CDH10: variants seen among roughly 807,000 people sequenced by gnomAD.
CDH10 encodes cadherin-10.
A neutral mutation model predicts 73.1 loss-of-function variants in CDH10; 30 were observed. That is an observed-to-expected ratio of 0.41 (90% CI 0.31 to 0.56). The LOEUF is 0.56. Ranked by LOEUF, CDH10 falls within the 20% of genes least tolerant of loss-of-function variation. CDH10 has a pLI of 0.27. For missense variants in CDH10, 815 were observed against 973.7 expected, an observed-to-expected ratio of 0.84 and a Z score of 2.17; for synonymous variants, 345 against 348.2, an observed-to-expected ratio of 0.99 and a Z score of 0.10.
At chr5:24,551,810 G>GTAT (rs748545304) in intron 2 of CDH10, among the ~76,000 whole-genome samples, 7 of 152,212 alleles carry the variant, frequency 4.6e-5, no homozygotes, top group Admixed American at 6.5e-5. Context: ...ATTGGCACCA[G>GTAT]TATTACACTA....
At chr5:24,567,580 T>A (rs1745209658) in intron 2 of CDH10, among the ~76,000 whole-genome samples, 1 of 151,884 alleles carries the variant, frequency 6.6e-6, no homozygotes, top group Non-Finnish European at 1.5e-5. Context: ...TTAAATAAAA[T>A]TTTAAATGAA....
chr5:24,569,334 T>C lies in CDH10; in HGVS notation c.231+23926A>G, dbSNP rs79188043. On this transcript the variant is annotated intron_variant, in intron 2 of 11. Transcript: ENST00000264463. ...TAGTAATGATGTTTGCACAATGCTG[T>C]AAATTAATAAACTGTACACTTAAAA... Among the ~76,000 whole-genome samples, 148 of 152,280 alleles carry C rather than the reference T, an allele frequency of 9.7e-4. 5 individuals carry two copies. In the East Asian group the frequency reaches 0.026, roughly 27 times the overall value.
intron 2 of CDH10, among the ~76,000 whole-genome samples, chr5:24,591,649 A>C (rs1333886485): frequency 1.3e-5 from 2 of 151,922 alleles, no homozygotes; most frequent in African/African-American, 4.8e-5. Context: ...ATTCAATTTA[A>C]TATGACTCAG....
chr5:24,570,393 T>C (rs944757814), intron 2 of CDH10, among the ~76,000 whole-genome samples: 1 of 152,058 alleles, frequency 6.6e-6, no homozygotes, highest in Non-Finnish European at 1.5e-5. Flanking sequence ...CTAGTTCCGT[T>C]AGTGTCGGAT....
Position 24,498,433 on chromosome 5 carries a change from C to G in CDH10, c.1480G>C (p.Asp494His). 6.2e-7 allele frequency: 1 copy of G among 1,605,768 alleles called. No homozygotes were observed. The highest frequency in any genetic ancestry group is 8.5e-7 in the Non-Finnish European group (1 of 1,172,656). ...DNAPQFAVFYDTFVCENARPG... is the reference protein window; with the variant it reads ...DNAPQFAVFYHTFVCENARPG... ...CTGGCATTTTCACATACAAAAGTGT[C>G]ATAGAACACAGCAAACTGTGGGGCA... The change falls in exon 9 of 12, where the codon GAC becomes CAC. Residue 494 changes from aspartate to histidine, a missense_variant. Coordinates refer to ENST00000264463, the MANE Select transcript of CDH10 (RefSeq NM_006727.5).
chr5:24,558,645 A>G (rs1744850924), intron 2 of CDH10, among the ~76,000 whole-genome samples: 1 of 151,740 alleles, frequency 6.6e-6, no homozygotes, highest in Non-Finnish European at 1.5e-5. Context: ...CTAATCAAGG[A>G]AAAAAGTCAG....
chr5:24,549,131 A>G (rs528913227), intron 2 of CDH10, among the ~76,000 whole-genome samples: 27 of 152,318 alleles, frequency 1.8e-4, no homozygotes, highest in African/African-American at 6.0e-4. Flanking sequence ...GAAGTCGTAT[A>G]TATAGAATAT....
intron 7 of CDH10, among the ~76,000 whole-genome samples, chr5:24,506,557 T>A (rs942525947): frequency 6.6e-6 from 1 of 152,202 alleles, no homozygotes; most frequent in African/African-American, 2.4e-5. Flanking sequence ...ATGAATTTCA[T>A]CTCACATCTC....
chr5:24,528,936 T>G (rs1402486166), intron 5 of CDH10, among the ~76,000 whole-genome samples: 1 of 151,970 alleles, frequency 6.6e-6, no homozygotes, highest in African/African-American at 2.4e-5. Context: ...TTTTTTTAAC[T>G]AATGAAAAGG....
chr5:24,602,716 C>G (rs562792462), intron 1 of CDH10, among the ~76,000 whole-genome samples: 30 of 152,212 alleles, frequency 2.0e-4, no homozygotes, highest in African/African-American at 7.2e-4. Context: ...TTTATTTTAA[C>G]TTACTCTCCT....
At chr5:24,611,474 T>C (rs565261625) in intron 1 of CDH10, among the ~76,000 whole-genome samples, 2 of 152,294 alleles carry the variant, frequency 1.3e-5, no homozygotes, top group South Asian at 4.1e-4. Context: ...TCCCTTATTA[T>C]GTTGTCTTCA....
intron 2 of CDH10, among the ~76,000 whole-genome samples, chr5:24,573,188 T>A (rs537957654): frequency 4.6e-5 from 7 of 151,090 alleles, no homozygotes; most frequent in African/African-American, 1.7e-4. Flanking sequence ...CGGGAAAAAA[T>A]TTGAAGAGTT....
At chr5:24,610,651 A>G (rs1322926922) in intron 1 of CDH10, among the ~76,000 whole-genome samples, 1 of 152,210 alleles carries the variant, frequency 6.6e-6, no homozygotes, top group Non-Finnish European at 1.5e-5. Context: ...ACTAACATCA[A>G]TAAATATTTC....
At position 24,535,762 on chromosome 5, in the gene CDH10, G is replaced by A. The variant is rs1206661548; in HGVS notation, c.587C>T (p.Ala196Val). 6.2e-7 allele frequency: 1 copy of A among 1,610,350 alleles called. No homozygotes were observed. Among genetic ancestry groups the A allele is most frequent in the Non-Finnish European group, 8.5e-7 (1 of 1,177,348 alleles). The stretch of plus-strand genomic sequence containing the variant: ...TTGAAGTATGCTGTAAATGACTCTG[G>A]CGCTGTTCCCATATGAAGGGTCATC... The part of the protein sequence containing the change: ...DADDPSYGNS[A>V]RVIYSILQGQ... Residue 196 changes from alanine to valine, a missense_variant, in exon 4 of 12, where the codon GCC becomes GTC. Ala to Val is a moderately conservative substitution (Grantham distance 64). Transcript: ENST00000264463.
At chr5:24,535,566 T>C (rs1048523169) in intron 4 of CDH10, 137 bp downstream of exon 4, 2 of 799,500 alleles carry the variant, frequency 2.5e-6, no homozygotes, top group South Asian at 1.9e-5. Flanking sequence ...TTTGAGTTCT[T>C]ATATCTTTAA....
chr5:24,538,874 A>G (rs377105818), intron 2 of CDH10, among the ~76,000 whole-genome samples: 2 of 152,206 alleles, frequency 1.3e-5, no homozygotes, highest in African/African-American at 4.8e-5. Flanking sequence ...CTTGGCTTTG[A>G]GAAACATAAG....
intron 5 of CDH10, among the ~76,000 whole-genome samples, chr5:24,512,034 G>A (rs1282986322): frequency 6.6e-6 from 1 of 151,998 alleles, no homozygotes; most frequent in Non-Finnish European, 1.5e-5. Context: ...TAATTACTGG[G>A]TACCAGGCCT....
At chr5:24,516,077 C>A (rs372552148) in intron 5 of CDH10, among the ~76,000 whole-genome samples, 1 of 152,134 alleles carries the variant, frequency 6.6e-6, no homozygotes, top group African/African-American at 2.4e-5. Context: ...CAGACTAATA[C>A]AATGACCCTG....
chr5:24,512,129 CT>C (rs1274292684), intron 5 of CDH10, among the ~76,000 whole-genome samples: 6 of 152,098 alleles, frequency 3.9e-5, no homozygotes, highest in African/African-American at 1.2e-4. Flanking sequence ...ACATGTACCC[CT>C]GAACCTAAAA....
Sources: allele counts gnomAD v4.1 joint callset (sites outside exome capture counted in the v4.1 genomes callset), GRCh38; gene constraint gnomAD v4.1.1; transcripts MANE v1.5; gene names NCBI Gene and HGNC (gene_info 2026-07-23, HGNC 2026-07-21).